PHEX: variants seen among roughly 807,000 people sequenced by gnomAD.
PHEX encodes the protein phosphate regulating endopeptidase X-linked.
In PHEX, 16 loss-of-function variants were observed where a neutral mutation model predicts 68.0. The observed-to-expected ratio is 0.24, with a 90% CI of 0.16 to 0.36. The LOEUF is 0.36. Among genes scored for constraint, PHEX ranks in the 10% least tolerant of loss-of-function variants. The pLI, the probability that PHEX is intolerant of heterozygous loss-of-function variation, is 1.00. For synonymous variants in PHEX, 208 were observed against 205.1 expected (o/e 1.01, Z -0.12); for missense variants, 480 against 575.5 (o/e 0.83, Z 1.70).
At chrX:22,206,265 T>C (rs1290735073) in intron 15 of PHEX, among the ~76,000 whole-genome samples, 1 of 111,588 alleles carries the variant, frequency 9.0e-6, no homozygotes, top group East Asian at 2.8e-4. Flanking sequence ...CATGTAAGGT[T>C]TTAAACTTTG....
intron 15 of PHEX, among the ~76,000 whole-genome samples, chrX:22,203,234 G>C (rs1358349742): frequency 9.0e-6 from 1 of 110,768 alleles, no homozygotes; most frequent in Non-Finnish European, 1.9e-5. Context: ...CTTTGTTGCA[G>C]CCTAAAGGTA....
intron 1 of PHEX, among the ~76,000 whole-genome samples, chrX:22,034,781 A>C (rs1926937528): frequency 1.8e-5 from 2 of 112,427 alleles, no homozygotes; most frequent in African/African-American, 6.5e-5. Flanking sequence ...GCTGATTCAC[A>C]ATCTGCATTT....
At chrX:22,186,221 T>C (rs923274519) in intron 14 of PHEX, among the ~76,000 whole-genome samples, 4 of 111,763 alleles carry the variant, frequency 3.6e-5, no homozygotes, top group African/African-American at 1.3e-4. Flanking sequence ...TTGATTGATA[T>C]AGAAAGTTCA....
intron 14 of PHEX, among the ~76,000 whole-genome samples, chrX:22,189,374 C>G (rs906988244): frequency 6.3e-5 from 7 of 111,703 alleles, no homozygotes; most frequent in Non-Finnish European, 1.1e-4. Flanking sequence ...ACTTTGAACC[C>G]CAATTAAGCA....
intron 12 of PHEX, among the ~76,000 whole-genome samples, chrX:22,141,618 A>G (rs1932465154): frequency 9.0e-6 from 1 of 110,642 alleles, no homozygotes; most frequent in South Asian, 3.7e-4. Flanking sequence ...CTTCACATTT[A>G]TTCTTATTAA....
intron 6 of PHEX, among the ~76,000 whole-genome samples, chrX:22,092,749 C>CTTTTTTTTTTTTTT (rs370527485): frequency 6.3e-4 from 49 of 77,911 alleles, no homozygotes; most frequent in East Asian, 7.6e-4. Flanking sequence ...TTCTTTCTTT[C>CTTTTTTTTTTTTTT]TTTTTTTTTT....
At chrX:22,188,764 G>A (rs929462746) in intron 14 of PHEX, among the ~76,000 whole-genome samples, 8 of 111,597 alleles carry the variant, frequency 7.2e-5, no homozygotes, top group Admixed American at 2.9e-4. Flanking sequence ...CAAACAATCC[G>A]CTTATATTAT....
intron 3 of PHEX, among the ~76,000 whole-genome samples, chrX:22,060,699 A>G (rs1476261851): frequency 1.8e-5 from 2 of 111,686 alleles, no homozygotes; most frequent in Admixed American, 9.6e-5. Flanking sequence ...GAGGAAAGAA[A>G]CATTTCACTT....
In PHEX at chrX:22,055,174, C is replaced by CAAAAAAAAAAAAA. The variant is rs111628195; in HGVS notation, c.349+7992_349+8004dup. 4.5e-3 allele frequency among the ~76,000 whole-genome samples: 299 copies of CAAAAAAAAAAAAA among 65,978 alleles called. 25 individuals carry two copies. The highest frequency in any genetic ancestry group is 6.7e-3 in the Non-Finnish European group (222 of 33,096). The allele number at this position is 65,978 out of a possible 115,157, so 57.3% of individuals were successfully genotyped here. On this transcript the variant is annotated intron_variant, in intron 3 of 21. Transcript: ENST00000379374. Reference sequence around the variant, plus strand: ...CGGGCAACAGAGAGAGACTCCAGCTCAAAAAAAAAAAAAAAAAAAAAAAAA... The same window carrying CAAAAAAAAAAAAA: ...CGGGCAACAGAGAGAGACTCCAGCTCAAAAAAAAAAAAAAAAAAAAAAAAAAAAAAAAAAAAAA...
intron 15 of PHEX, among the ~76,000 whole-genome samples, chrX:22,192,426 C>T (rs1188593194): frequency 9.0e-6 from 1 of 111,517 alleles, no homozygotes; most frequent in Non-Finnish European, 1.9e-5. Context: ...ACAATCACAT[C>T]GTGTCACTTC....
chrX:22,037,628 CT>C (rs547864797), intron 1 of PHEX, among the ~76,000 whole-genome samples: 280 of 103,858 alleles, frequency 2.7e-3, no homozygotes, highest in African/African-American at 5.2e-3. Context: ...CAATTTTAGA[CT>C]TTTTTTTTTT....
At chrX:22,135,488 G>C (rs927139095) in intron 12 of PHEX, among the ~76,000 whole-genome samples, 3 of 111,273 alleles carry the variant, frequency 2.7e-5, no homozygotes, top group African/African-American at 9.8e-5. Context: ...GGAGGGTGGG[G>C]TGGAGTGTGT....
intron 11 of PHEX, among the ~76,000 whole-genome samples, chrX:22,123,589 G>C (rs1253645663): frequency 9.0e-6 from 1 of 111,079 alleles, no homozygotes; most frequent in Non-Finnish European, 1.9e-5. Flanking sequence ...GGCAACTTCT[G>C]CATTTAGATT....
intron 3 of PHEX, among the ~76,000 whole-genome samples, chrX:22,068,326 A>C (rs1928707655): frequency 9.0e-6 from 1 of 111,673 alleles, no homozygotes; most frequent in Admixed American, 9.5e-5. Context: ...GTGACAGGGC[A>C]AAGGGAGTAG....
chrX:22,130,608 G>A (rs550321184), intron 11 of PHEX, among the ~76,000 whole-genome samples: 5 of 107,873 alleles, frequency 4.6e-5, no homozygotes, highest in South Asian at 8.3e-4. Flanking sequence ...TCTAGTCCCC[G>A]GAGATTTCCT....
At chrX:22,108,716 A>C (rs972207860) in intron 9 of PHEX, among the ~76,000 whole-genome samples, 2 of 110,866 alleles carry the variant, frequency 1.8e-5, no homozygotes, top group African/African-American at 6.6e-5. Flanking sequence ...CTGAGGCGGG[A>C]GGATCACCTG....
intron 20 of PHEX, among the ~76,000 whole-genome samples, chrX:22,240,013 G>C (rs1936129581): frequency 8.9e-6 from 1 of 111,964 alleles, no homozygotes; most frequent in Non-Finnish European, 1.9e-5. Flanking sequence ...ACCCACAAAG[G>C]GATGCCCATC....
intron 15 of PHEX, among the ~76,000 whole-genome samples, chrX:22,202,895 G>A (rs767916672): frequency 2.8e-4 from 31 of 111,834 alleles, no homozygotes; most frequent in African/African-American, 6.5e-4. Flanking sequence ...CATCAGCATC[G>A]CTTGTGATAG....
Position 22,197,223 on chromosome X carries a change from A to AT in PHEX, c.1645+6729dup, listed in dbSNP as rs35653340. Among the ~76,000 whole-genome samples, 3 of 110,440 alleles carry AT rather than the reference A, an allele frequency of 2.7e-5. No individual in the cohort carries two copies. In the East Asian group the frequency reaches 8.5e-4, roughly 31 times the overall value. ...CTGACACTCAGAGCAATTCTTAGTA[A>AT]TTTTTTTTCCACTTATTCACTTGAT... On this transcript the variant is annotated intron_variant, in intron 15 of 21. Coordinates refer to ENST00000379374, the MANE Select transcript of PHEX (RefSeq NM_000444.6).
Sources: gnomAD v4.1 joint callset for allele counts (sites outside exome capture counted in the v4.1 genomes callset) on GRCh38, gnomAD v4.1.1 for gene constraint, MANE v1.5 for transcripts, NCBI Gene and HGNC (gene_info 2026-07-23, HGNC 2026-07-21) for gene names.